BAIAP2L1: variants seen among roughly 807,000 people sequenced by gnomAD.
BAIAP2L1 encodes the protein BAR/IMD domain-containing adapter protein 2-like 1.
A neutral mutation model predicts 66.3 loss-of-function variants in BAIAP2L1; 35 were observed. That is an observed-to-expected ratio of 0.53 (90% CI 0.40 to 0.70). The LOEUF is 0.70. Among genes scored for constraint, BAIAP2L1 ranks in the 30% least tolerant of loss-of-function variants. The pLI, the probability that BAIAP2L1 is intolerant of heterozygous loss-of-function variation, is 0.00. For synonymous variants in BAIAP2L1, 269 were observed against 248.7 expected, an observed-to-expected ratio of 1.08 and a Z score of -0.77; for missense variants, 622 against 656.9, an observed-to-expected ratio of 0.95 and a Z score of 0.58.
intron 3 of BAIAP2L1, among the ~76,000 whole-genome samples, chr7:98,352,254 C>A (rs1330068313): frequency 6.6e-6 from 1 of 152,054 alleles, no homozygotes; most frequent in Non-Finnish European, 1.5e-5. Flanking sequence ...AGAAGAAAAA[C>A]CAGTAACTAC....
In BAIAP2L1 at chr7:98,341,896, G is replaced by A. The variant is rs1009736022; in HGVS notation, c.214+13146C>T. Among the ~76,000 whole-genome samples, 98 of 152,144 alleles carry A rather than the reference G, an allele frequency of 6.4e-4. 1 individual carries two copies. Among genetic ancestry groups the A allele is most frequent in the African/African-American group, 2.1e-3 (88 of 41,534 alleles). On this transcript the variant is annotated intron_variant, in intron 3 of 13. Transcript: ENST00000005260. Reference sequence around the variant, plus strand: ...TCTAACCTGTAACTAAAAGATAAGTGATTTTGGTCAATTATAACTGCTGTG... The same window carrying A: ...TCTAACCTGTAACTAAAAGATAAGTAATTTTGGTCAATTATAACTGCTGTG...
At chr7:98,357,020 A>AAAAAAAAAAAT (rs1554337328) in intron 2 of BAIAP2L1, among the ~76,000 whole-genome samples, 1 of 28,098 alleles carries the variant, frequency 3.6e-5, no homozygotes, top group African/African-American at 2.3e-4. Flanking sequence ...AAAAAAAAAA[A>AAAAAAAAAAAT]ATATATATAT....
chr7:98,308,523 C>T (rs1800750309), intron 9 of BAIAP2L1: 3 of 346,910 alleles, frequency 8.6e-6, no homozygotes, highest in Non-Finnish European at 1.7e-5. Flanking sequence ...GGACAGACCC[C>T]ACAGCTGGCA....
intron 3 of BAIAP2L1, among the ~76,000 whole-genome samples, chr7:98,337,639 C>T (rs1418309509): frequency 1.3e-5 from 2 of 152,164 alleles, no homozygotes; most frequent in African/African-American, 2.4e-5. Context: ...GGTATGTGGC[C>T]GGGCGCGGTG....
intron 3 of BAIAP2L1, among the ~76,000 whole-genome samples, chr7:98,345,977 C>T (rs956345801): frequency 5.3e-5 from 8 of 151,414 alleles, no homozygotes; most frequent in Non-Finnish European, 1.0e-4. Context: ...TGGTTGGATA[C>T]GGTTGGAGTT....
chr7:98,354,872 C>G (rs1011218089), intron 3 of BAIAP2L1, among the ~76,000 whole-genome samples, 170 bp downstream of exon 3: 1 of 152,176 alleles, frequency 6.6e-6, no homozygotes, highest in Non-Finnish European at 1.5e-5. Flanking sequence ...CGGCACCAGT[C>G]CCAGCCCACC....
chr7:98,310,718 G>C, intron 8 of BAIAP2L1, 126 bp from the exon 9 acceptor site: 1 of 680,656 alleles, frequency 1.5e-6, no homozygotes, highest in South Asian at 2.7e-5. Context: ...ACAGAGTCTC[G>C]CTGTGTTGCC....
intron 1 of BAIAP2L1, among the ~76,000 whole-genome samples, chr7:98,387,966 T>A (rs1802936130): frequency 6.6e-6 from 1 of 152,076 alleles, no homozygotes. Flanking sequence ...TGCCAATATT[T>A]TCAACACTAT....
At chr7:98,367,930 C>T (rs1248037168) in intron 1 of BAIAP2L1, among the ~76,000 whole-genome samples, 1 of 151,654 alleles carries the variant, frequency 6.6e-6, no homozygotes, top group African/African-American at 2.4e-5. Flanking sequence ...GGCCGGGTTT[C>T]ATCATTTCTA....
intron 1 of BAIAP2L1, among the ~76,000 whole-genome samples, chr7:98,392,686 G>A (rs974664600): frequency 3.3e-5 from 5 of 152,060 alleles, no homozygotes; most frequent in Admixed American, 1.3e-4. Context: ...TCATCAAAAT[G>A]ATAGAGCACA....
chr7:98,370,861 T>C (rs186425372), intron 1 of BAIAP2L1, among the ~76,000 whole-genome samples: 2 of 152,288 alleles, frequency 1.3e-5, no homozygotes, highest in Non-Finnish European at 2.9e-5. Flanking sequence ...CCTAGTTATT[T>C]TAGCTGAAGT....
intron 1 of BAIAP2L1, among the ~76,000 whole-genome samples, chr7:98,394,536 T>G (rs1803155380): frequency 6.6e-6 from 1 of 152,176 alleles, no homozygotes; most frequent in Non-Finnish European, 1.5e-5. Context: ...AAAATTTTTT[T>G]GCACATACCC....
intron 8 of BAIAP2L1, 106 bp downstream of exon 8, chr7:98,311,991 G>A (rs771284783): frequency 2.5e-5 from 29 of 1,178,804 alleles, no homozygotes; most frequent in Non-Finnish European, 3.5e-5. Context: ...GGTGGTCCTG[G>A]AAGTAATAAA....
At position 98,312,269 on chromosome 7, in the gene BAIAP2L1, A is replaced by G. The variant is rs1223943317; in HGVS notation, c.640-5T>C. 8 of 1,599,694 alleles carry G rather than the reference A, an allele frequency of 5.0e-6. No individual in the cohort carries two copies. Among genetic ancestry groups the G allele is most frequent in the Non-Finnish European group, 6.8e-6 (8 of 1,175,350 alleles). ...GGAATTCAGTAGTTCTGCAGACTGC[A>G]AAGCCAAAAGAAGAAGACTAAAGAC... On this transcript the variant is annotated splice_region_variant and splice_polypyrimidine_tract_variant and intron_variant, in intron 7 of 13. Coordinates refer to ENST00000005260, the MANE Select transcript of BAIAP2L1 (RefSeq NM_018842.5).
At chr7:98,365,524 G>A (rs982846882) in intron 1 of BAIAP2L1, among the ~76,000 whole-genome samples, 3 of 152,212 alleles carry the variant, frequency 2.0e-5, no homozygotes, top group African/African-American at 4.8e-5. Context: ...AGGATGGAGT[G>A]CAGTGGTGTG....
At chr7:98,306,166 G>A (rs1409104354) in intron 11 of BAIAP2L1, among the ~76,000 whole-genome samples, 1 of 152,194 alleles carries the variant, frequency 6.6e-6, no homozygotes, top group Non-Finnish European at 1.5e-5. Context: ...TGGGTTTAGC[G>A]ACCAGGAGGG....
rs550721588 is a variant in BAIAP2L1, at chr7:98,335,328, C to CA, written c.215-15031dup. Among the ~76,000 whole-genome samples the CA allele has an allele frequency of 3.7e-4, 56 of 152,138 alleles. No individual in the cohort carries two copies. The East Asian group carries it at 8.9e-3, about 24-fold the overall frequency. On this transcript the variant is annotated intron_variant, in intron 3 of 13. Coordinates refer to ENST00000005260, the MANE Select transcript of BAIAP2L1 (RefSeq NM_018842.5). The stretch of plus-strand genomic sequence containing the variant: ...ATATTACATATCATACCCTGACACT[C>CA]AGTTTCCCTCCACCCCCACATAGGT...
intron 3 of BAIAP2L1, 90 bp from the exon 4 acceptor site, chr7:98,320,388 T>C: frequency 7.0e-6 from 7 of 1,000,330 alleles, no homozygotes; most frequent in Non-Finnish European, 1.1e-5. Flanking sequence ...CAGGCTGGAG[T>C]GCAAAGGCAC....
intron 1 of BAIAP2L1, among the ~76,000 whole-genome samples, chr7:98,394,386 C>A (rs766200431): frequency 6.6e-6 from 1 of 152,180 alleles, no homozygotes; most frequent in African/African-American, 2.4e-5. Flanking sequence ...GCCTCTCAGA[C>A]CAGAATTTCC....
Sources: gnomAD v4.1 joint callset for allele counts (sites outside exome capture counted in the v4.1 genomes callset) on GRCh38, gnomAD v4.1.1 for gene constraint, MANE v1.5 for transcripts, NCBI Gene and HGNC (gene_info 2026-07-23, HGNC 2026-07-21) for gene names.